NIBAN2: variants seen among roughly 807,000 people sequenced by gnomAD.
The protein encoded by NIBAN2 is protein Niban 2.
NIBAN2 carries 36 observed loss-of-function variants against 81.8 expected under a neutral mutation model. The observed-to-expected ratio is 0.44, with a 90% CI of 0.34 to 0.58. The LOEUF (loss-of-function observed/expected upper bound fraction) is 0.58. Among genes scored for constraint, NIBAN2 ranks in the 20% least tolerant of loss-of-function variants. The probability of loss-of-function intolerance (pLI) is 0.02; values close to 1 mark genes in which losing one functional copy is unlikely to be tolerated. For synonymous variants in NIBAN2, 445 were observed against 441.6 expected, an observed-to-expected ratio of 1.01 and a Z score of -0.10; for missense variants, 897 against 1,014.1, an observed-to-expected ratio of 0.88 and a Z score of 1.57.
At chr9:127,511,983 A>G (rs1836745386) in intron 8 of NIBAN2, among the ~76,000 whole-genome samples, 1 of 152,212 alleles carries the variant, frequency 6.6e-6, no homozygotes, top group Admixed American at 6.5e-5. Context: ...GAACCTCCGT[A>G]CACTGCTGGT....
upstream of NIBAN2, among the ~76,000 whole-genome samples, chr9:127,569,749 G>C (rs922476109): frequency 2.0e-5 from 3 of 152,186 alleles, no homozygotes; most frequent in Admixed American, 1.3e-4. Flanking sequence ...GGGAAGGCTC[G>C]GGCCCGAAGG....
chr9:127,539,873 C>T (rs1837345906), intron 1 of NIBAN2, among the ~76,000 whole-genome samples: 1 of 152,236 alleles, frequency 6.6e-6, no homozygotes, highest in Non-Finnish European at 1.5e-5. Context: ...GCTCTGCCAC[C>T]TATGAGCTGT....
Position 127,536,193 on chromosome 9 carries a change from CAGA to C in NIBAN2, c.56-4418_56-4416del, listed in dbSNP as rs1414328540. On this transcript the variant is annotated intron_variant, in intron 1 of 13. Coordinates refer to ENST00000373312, the MANE Select transcript of NIBAN2 (RefSeq NM_022833.4). This position sits in a 1 kb window ranked among gnomAD's most constrained non-coding sequence, Gnocchi z 4.0. Reference sequence around the variant, plus strand: ...GTACAGAGGAAGTAACCCAGAGACGCAGAAGATGAGGACTCGGGTGCTGGGGAC... The same window carrying C: ...GTACAGAGGAAGTAACCCAGAGACGCAGATGAGGACTCGGGTGCTGGGGAC... Among the ~76,000 whole-genome samples the C allele has an allele frequency of 6.6e-6, 1 of 152,192 alleles. No homozygotes were observed. The highest frequency in any genetic ancestry group is 2.4e-5 in the African/African-American group (1 of 41,454).
intron 1 of NIBAN2, among the ~76,000 whole-genome samples, chr9:127,532,133 A>C (rs1361280116): frequency 6.6e-6 from 1 of 152,138 alleles, no homozygotes; most frequent in Non-Finnish European, 1.5e-5. Flanking sequence ...GGGGACAGCC[A>C]TTTCGGAGGG....
chr9:127,558,388 C>T (rs1837713498), intron 1 of NIBAN2, among the ~76,000 whole-genome samples: 1 of 152,148 alleles, frequency 6.6e-6, no homozygotes, highest in African/African-American at 2.4e-5. Flanking sequence ...GGGGTCAAGG[C>T]CCTGGGTTCC....
chr9:127,527,950 G>A (rs1321197589), intron 2 of NIBAN2, among the ~76,000 whole-genome samples: 3 of 152,186 alleles, frequency 2.0e-5, no homozygotes, highest in East Asian at 1.9e-4. Context: ...TGTCTGACCC[G>A]CGTCCTGGCA....
intron 1 of NIBAN2, among the ~76,000 whole-genome samples, chr9:127,577,142 T>C (rs1838019989): frequency 6.6e-6 from 1 of 151,824 alleles, no homozygotes; most frequent in Admixed American, 6.6e-5. Context: ...AGCCCGTCTC[T>C]ACTAAAAATA....
chr9:127,536,510 A>C lies in NIBAN2; in HGVS notation c.56-4732T>G, dbSNP rs374795827. Among the ~76,000 whole-genome samples the C allele has an allele frequency of 7.2e-5, 11 of 152,168 alleles. No individual in the cohort carries two copies. Among genetic ancestry groups the C allele is most frequent in the African/African-American group, 2.2e-4 (9 of 41,450 alleles). ...GTTGCTTCAGGATTTTACAACTCAA[A>C]TTCCCACATGGCGTCCCGGCCTGGG... is the stretch of plus-strand genomic sequence containing the variant. On this transcript the variant is annotated intron_variant, in intron 1 of 13. Transcript: ENST00000373312. The surrounding 1 kb of genome is among the most constrained non-coding windows in gnomAD (Gnocchi z 4.0).
At chr9:127,554,553 T>TTTTTTTTTTTTTTTTTTC (rs1837633266) in intron 1 of NIBAN2, among the ~76,000 whole-genome samples, 2 of 136,418 alleles carry the variant, frequency 1.5e-5, no homozygotes, top group African/African-American at 2.8e-5. Context: ...TTTTTCTTTT[T>TTTTTTTTTTTTTTTTTTC]TTTTTTTTTT....
chr9:127,543,939 A>G (rs1837426282), intron 1 of NIBAN2, among the ~76,000 whole-genome samples: 1 of 152,216 alleles, frequency 6.6e-6, no homozygotes, highest in Non-Finnish European at 1.5e-5. Flanking sequence ...ACATTGTTTC[A>G]TTTAACCCTC....
upstream of NIBAN2, among the ~76,000 whole-genome samples, chr9:127,573,168 A>C (rs1164017591): frequency 6.6e-6 from 1 of 152,170 alleles, no homozygotes; most frequent in African/African-American, 2.4e-5. Context: ...GAGTGTGAGC[A>C]AAAGGAAGCA....
intron 1 of NIBAN2, among the ~76,000 whole-genome samples, chr9:127,557,363 A>T (rs893219262): frequency 1.3e-5 from 2 of 152,080 alleles, no homozygotes; most frequent in African/African-American, 4.8e-5. Flanking sequence ...GGGGAAACTG[A>T]GGCTTGGAGG....
At chr9:127,567,047 C>T (rs1227669085) in intron 1 of NIBAN2, among the ~76,000 whole-genome samples, 3 of 152,140 alleles carry the variant, frequency 2.0e-5, no homozygotes, top group Non-Finnish European at 4.4e-5. Flanking sequence ...AGCCTGGTAT[C>T]CAGAAAATAA....
intron 1 of NIBAN2, among the ~76,000 whole-genome samples, chr9:127,546,999 C>T (rs1457376759): frequency 6.6e-6 from 1 of 150,876 alleles, no homozygotes; most frequent in Non-Finnish European, 1.5e-5. Context: ...GGAGTGTGTG[C>T]CAAGCAGAAG....
At chr9:127,529,059 G>C (rs996024936) in intron 2 of NIBAN2, among the ~76,000 whole-genome samples, 2 of 152,242 alleles carry the variant, frequency 1.3e-5, no homozygotes, top group Non-Finnish European at 2.9e-5. Context: ...CTTTCAAATG[G>C]CAGAGTCGTG....
At chr9:127,573,208 T>C (rs572666468), upstream of NIBAN2, among the ~76,000 whole-genome samples, 2 of 152,246 alleles carry the variant, frequency 1.3e-5, no homozygotes, top group South Asian at 4.1e-4. Flanking sequence ...CTAAGCCAGA[T>C]GGCTGATCTA....
chr9:127,557,242 C>T (rs1837687725), intron 1 of NIBAN2, among the ~76,000 whole-genome samples: 1 of 152,076 alleles, frequency 6.6e-6, no homozygotes, highest in Non-Finnish European at 1.5e-5. Flanking sequence ...GGCTTGACCT[C>T]GAGGGCACAG....
intron 1 of NIBAN2, among the ~76,000 whole-genome samples, chr9:127,535,854 G>A (rs543298656): frequency 6.6e-6 from 1 of 152,078 alleles, no homozygotes; most frequent in African/African-American, 2.4e-5. Context: ...AATAGTGGGG[G>A]TTTGGTCCAG....
intron 5 of NIBAN2, among the ~76,000 whole-genome samples, chr9:127,522,148 C>T (rs9886844): frequency 0.1 from 15,752 of 152,278 alleles, 1,360 homozygotes; most frequent in Admixed American, 0.28. Context: ...CCACAGTCCC[C>T]GGGACCTGGG....
Sources: gnomAD v4.1 joint callset for allele counts (sites outside exome capture counted in the v4.1 genomes callset) on GRCh38, gnomAD v4.1.1 for gene constraint, Gnocchi (gnomAD v3.1) non-coding constraint, MANE v1.5 for transcripts, NCBI Gene and HGNC (gene_info 2026-07-23, HGNC 2026-07-21) for gene names.